The following ZCCHC2 variants were observed in gnomAD, a reference collection of about 807,000 sequenced individuals.
The protein encoded by ZCCHC2 is zinc finger CCHC-type containing 2.
In ZCCHC2, 39 loss-of-function variants were observed where a neutral mutation model predicts 103.6. The ratio of observed to expected loss-of-function variants is 0.38; its 90% CI spans 0.29 to 0.49. The LOEUF is 0.49. Among genes scored for constraint, ZCCHC2 ranks in the 20% least tolerant of loss-of-function variants. The pLI is 0.96. For synonymous variants in ZCCHC2, 687 were observed against 608.9 expected, an observed-to-expected ratio of 1.13 and a Z score of -1.89; for missense variants, 1,483 against 1,491.0, an observed-to-expected ratio of 0.99 and a Z score of 0.09.
At chr18:62,558,571 GT>G in intron 6 of ZCCHC2, 115 bp from the exon 7 acceptor site, 1 of 585,642 alleles carries the variant, frequency 1.7e-6, no homozygotes, top group Non-Finnish European at 2.9e-6. Context: ...TAGTAGCCAT[GT>G]TTTCTTCACC....
rs769815596 is a variant in ZCCHC2, at chr18:62,524,348, C to G, written c.924C>G (p.Ala308=). The G allele has an allele frequency of 1.3e-6, 2 of 1,528,498 alleles. No individual in the cohort carries two copies. Among genetic ancestry groups the G allele is most frequent in the Non-Finnish European group, 1.8e-6 (2 of 1,138,846 alleles). The allele number at this position is 1,528,498 out of a possible 1,614,324, so 94.7% of individuals were successfully genotyped here. The change falls in exon 1 of 14, where the codon GCC becomes GCG. Residue 308 remains alanine, a synonymous_variant. Coordinates refer to ENST00000269499, the MANE Select transcript of ZCCHC2 (RefSeq NM_017742.6). ...AEVEVEPCKF[A]GPRAQNNSAH... Reference sequence around the variant, plus strand: ...TGGAGGTAGAGCCGTGCAAGTTTGCCGGCCCCAGGGCCCAGGTAAGGCGCA... The same window carrying G: ...TGGAGGTAGAGCCGTGCAAGTTTGCGGGCCCCAGGGCCCAGGTAAGGCGCA...
chr18:62,578,789 C>T (rs188272738), downstream of ZCCHC2, among the ~76,000 whole-genome samples: 21 of 152,226 alleles, frequency 1.4e-4, no homozygotes, highest in Admixed American at 1.0e-3. Flanking sequence ...GTTTTTGAGA[C>T]GGGGTCTTGC....
At chr18:62,564,520 G>A (rs778593820) in intron 9 of ZCCHC2, 51 bp from the exon 10 acceptor site, 19 of 1,319,604 alleles carry the variant, frequency 1.4e-5, no homozygotes, top group South Asian at 7.2e-5. Context: ...GAGTAAAAAC[G>A]TCAAAATGGT....
chr18:62,528,931 A>G (rs1000766556), intron 1 of ZCCHC2, among the ~76,000 whole-genome samples: 7 of 152,226 alleles, frequency 4.6e-5, no homozygotes, highest in Admixed American at 3.9e-4. Flanking sequence ...AAGCCAAGGC[A>G]GGTGGATCAC....
chr18:62,556,351 G>T, intron 6 of ZCCHC2, 54 bp downstream of exon 6: 2 of 1,347,962 alleles, frequency 1.5e-6, no homozygotes, highest in Non-Finnish European at 2.0e-6. Flanking sequence ...GGATTTTATT[G>T]CTTTACTGTG....
At chr18:62,532,155 T>G (rs1411754963) in intron 1 of ZCCHC2, among the ~76,000 whole-genome samples, 3 of 152,228 alleles carry the variant, frequency 2.0e-5, no homozygotes, top group African/African-American at 7.2e-5. Context: ...TTATGGTGTA[T>G]ATCTCATTGA....
rs1916934081 is a variant in ZCCHC2 at position 62,578,176 on chromosome 18, G to C, written c.*1597G>C. The C allele has an allele frequency of 6.6e-6, 1 of 152,538 alleles. No individual in the cohort carries two copies. Among genetic ancestry groups the C allele is most frequent in the South Asian group, 2.1e-4 (1 of 4,826 alleles). 9.4% of individuals were successfully genotyped at this position (152,538 alleles called of 1,614,324 possible). On this transcript the variant is annotated 3_prime_UTR_variant, in exon 14 of 14. Transcript: ENST00000269499. ...TTCAGGGGTGGGAGTTATGGGGAAG[G>C]GGTGGGTGTGAAGGGGTAGATGAAA...
chr18:62,578,610 G>A (rs1175544041), downstream of ZCCHC2: 2 of 152,554 alleles, frequency 1.3e-5, no homozygotes, highest in Non-Finnish European at 2.9e-5. Context: ...TGTAAATTTT[G>A]TAAAAGTGGA....
At chr18:62,555,479 A>G (rs1335899649) in intron 5 of ZCCHC2, among the ~76,000 whole-genome samples, 1 of 152,068 alleles carries the variant, frequency 6.6e-6, no homozygotes, top group African/African-American at 2.4e-5. Flanking sequence ...AAACTTCCCA[A>G]CCTCCCACTT....
At chr18:62,531,311 G>A (rs916141735) in intron 1 of ZCCHC2, among the ~76,000 whole-genome samples, 1 of 152,134 alleles carries the variant, frequency 6.6e-6, no homozygotes, top group African/African-American at 2.4e-5. Flanking sequence ...GCTGGGCCGG[G>A]GGTAGTTGGC....
chr18:62,561,730 GT>G (rs1430883641), intron 8 of ZCCHC2, among the ~76,000 whole-genome samples: 1 of 152,218 alleles, frequency 6.6e-6, no homozygotes, highest in African/African-American at 2.4e-5. Flanking sequence ...GGCATCCAGA[GT>G]TTCAATCGGT....
Position 62,523,700 on chromosome 18 carries a change from G to C in ZCCHC2, c.276G>C (p.Leu92=). ...PGGGGGPSAA[L]REQERVYEWF... ...GCGGCGGGGGGCCCTCGGCGGCGCT[G>C]CGCGAGCAGGAGCGGGTATACGAGT... is the stretch of plus-strand genomic sequence containing the variant. Residue 92 remains leucine, a synonymous_variant, in exon 1 of 14, where the codon CTG becomes CTC. Transcript: ENST00000269499. 7.0e-7 allele frequency: 1 copy of C among 1,437,044 alleles called. No homozygotes were observed. The highest frequency in any genetic ancestry group is 1.4e-5 in the South Asian group (1 of 71,142). The allele number at this position is 1,437,044 out of a possible 1,614,324, so 89.0% of individuals were successfully genotyped here. A position where few individuals can be genotyped will look rare whatever the true frequency, so the allele number is the denominator to read the frequency against.
chr18:62,536,370 TACAA>T (rs2145492100), intron 1 of ZCCHC2, among the ~76,000 whole-genome samples: 1 of 152,358 alleles, frequency 6.6e-6, no homozygotes, highest in Admixed American at 6.5e-5. Flanking sequence ...GCTTTCTTGA[TACAA>T]ACAGAGAAAA....
chr18:62,524,510 G>A, intron 1 of ZCCHC2, 147 bp downstream of exon 1: 1 of 1,288,864 alleles, frequency 7.8e-7, no homozygotes, highest in Non-Finnish European at 1.0e-6. Flanking sequence ...GCGCCAGAGG[G>A]CTGAGCTTCG....
At chr18:62,528,132 AC>A (rs1422526688) in intron 1 of ZCCHC2, among the ~76,000 whole-genome samples, 1 of 152,258 alleles carries the variant, frequency 6.6e-6, no homozygotes, top group Non-Finnish European at 1.5e-5. Flanking sequence ...GACTAACAGT[AC>A]TAATGTTTGA....
intron 4 of ZCCHC2, among the ~76,000 whole-genome samples, chr18:62,546,375 G>A (rs1474278396): frequency 6.6e-6 from 1 of 152,128 alleles, no homozygotes; most frequent in Non-Finnish European, 1.5e-5. Flanking sequence ...TCACCCCACC[G>A]CCACACACTT....
chr18:62,573,612 A>T (rs2145535112), intron 12 of ZCCHC2, among the ~76,000 whole-genome samples: 2 of 152,326 alleles, frequency 1.3e-5, no homozygotes, highest in East Asian at 3.9e-4. Context: ...GCCTCTAGAT[A>T]TTTGAGTTAA....
At chr18:62,543,598 C>T (rs1044689062) in intron 3 of ZCCHC2, among the ~76,000 whole-genome samples, 1 of 152,148 alleles carries the variant, frequency 6.6e-6, no homozygotes, top group Non-Finnish European at 1.5e-5. Context: ...CTTCACTGTC[C>T]TCTTGCCTGA....
At chr18:62,560,438 T>G (rs1260205511) in intron 7 of ZCCHC2, 149 bp from the exon 8 acceptor site, 1 of 496,338 alleles carries the variant, frequency 2.0e-6, no homozygotes, top group South Asian at 5.1e-5. Flanking sequence ...TTTGAAAAAT[T>G]GCTTAAGATG....
Sources: allele counts gnomAD v4.1 joint callset (sites outside exome capture counted in the v4.1 genomes callset), GRCh38; gene constraint gnomAD v4.1.1; transcripts MANE v1.5; gene names NCBI Gene and HGNC (gene_info 2026-07-23, HGNC 2026-07-21).